Variants in MROH2A observed in about 807,000 individuals in gnomAD.
The protein encoded by MROH2A is maestro heat-like repeat-containing protein family member 2A.
MROH2A carries 174 observed loss-of-function variants against 200.4 expected under a neutral mutation model. The observed-to-expected ratio is 0.87, with a 90% CI of 0.77 to 0.98. The LOEUF is 0.98. Ranked by LOEUF, MROH2A falls within the 50% of genes least tolerant of loss-of-function variation. MROH2A has a pLI of 0.00. For missense variants in MROH2A, 2,045 were observed against 2,139.6 expected, an observed-to-expected ratio of 0.96 and a Z score of 0.87; for synonymous variants, 829 against 840.4, an observed-to-expected ratio of 0.99 and a Z score of 0.23.
rs1186528161 is a variant in MROH2A, at chr2:233,822,508, G to A, written c.3818G>A (p.Trp1273Ter). The A allele has an allele frequency of 6.4e-7, 1 of 1,550,618 alleles. No homozygotes were observed. The change falls in exon 33 of 42, where the codon TGG (tryptophan) becomes TAG (stop). Residue 1273 changes from tryptophan (W) to a stop codon, truncating the protein, a stop_gained. Coordinates refer to ENST00000389758, the MANE Select transcript of MROH2A (RefSeq NM_001394639.1). LOFTEE classifies it high-confidence loss of function. ...PEAAPPVLKMWKLVHTTPLPE... is the reference protein window; with the variant it reads ...PEAAPPVLKM ...GCCGCCCCGCCGGTCTTGAAGATGT[G>A]GAAGCTGGTCCACACCACTCCTCTG...
chr2:233,811,280 T>TA (rs1157656420), intron 23 of MROH2A, among the ~76,000 whole-genome samples: 3 of 152,160 alleles, frequency 2.0e-5, no homozygotes, highest in African/African-American at 7.2e-5. Flanking sequence ...AAGCAGGACT[T>TA]AGAGTGAAGC....
At chr2:233,788,178 A>G (rs978542094) in intron 3 of MROH2A, among the ~76,000 whole-genome samples, 1 of 121,644 alleles carries the variant, frequency 8.2e-6, no homozygotes, top group Non-Finnish European at 1.6e-5. Flanking sequence ...TACATATATT[A>G]TATATATACA....
chr2:233,794,622 C>G (rs964663622), intron 8 of MROH2A, 116 bp downstream of exon 8: 3 of 633,600 alleles, frequency 4.7e-6, no homozygotes, highest in Non-Finnish European at 8.3e-6. Flanking sequence ...GACACTGTGT[C>G]AGGAACCCGA....
At chr2:233,794,265 C>T in intron 7 of MROH2A, 98 bp from the exon 8 acceptor site, 1 of 928,046 alleles carries the variant, frequency 1.1e-6, no homozygotes, top group East Asian at 2.6e-5. Flanking sequence ...GAGGCGCCTT[C>T]TGTCCTGTGT....
In MROH2A at chr2:233,816,851, T is replaced by A; in HGVS notation, c.2927T>A (p.Leu976His). The A allele has an allele frequency of 6.5e-7, 1 of 1,550,012 alleles. No homozygotes were observed. Among genetic ancestry groups the A allele is most frequent in the Non-Finnish European group, 8.7e-7 (1 of 1,146,528 alleles). Reference sequence around the variant, plus strand: ...AAGGCCGTGAGCCTCCATCTCTATCTCATGTGGATTTATGTCCACAGCACT... The same window carrying A: ...AAGGCCGTGAGCCTCCATCTCTATCACATGTGGATTTATGTCCACAGCACT... ...REKAVSLHLY[L>H]MWIYVHSTAV... is the part of the protein sequence containing the mutation. The change falls in exon 27 of 42, where the codon CTC becomes CAC. Residue 976 changes from leucine (L) to histidine (H), a missense_variant. This residue lies in a region of MROH2A where 1,201 missense variants were observed against 1,311.3 expected (regional missense o/e 0.92). Transcript: ENST00000389758.
rs1701983068 is a variant in MROH2A at position 233,794,531 on chromosome 2, C to G, written c.966+25C>G. ...GGCGAGTGGCCAGGCAGCCACGGCT[C>G]TGGGCAGGAGGCTTAGGGAATTGGG... On this transcript the variant is annotated intron_variant, in intron 8 of 41. Transcript: ENST00000389758. 3 of 1,318,638 alleles carry G rather than the reference C, an allele frequency of 2.3e-6. No individual in the cohort carries two copies. The South Asian group carries it at 3.8e-5, about 17-fold the overall frequency. The allele number at this position is 1,318,638 out of a possible 1,614,324, so 81.7% of individuals were successfully genotyped here.
chr2:233,824,614 C>A (rs981629730), intron 35 of MROH2A, among the ~76,000 whole-genome samples: 21 of 152,246 alleles, frequency 1.4e-4, no homozygotes, highest in Non-Finnish European at 4.4e-5. Flanking sequence ...CGCTCAGTTG[C>A]TGATTGGCTG....
chr2:233,798,392 G>A (rs1299139578), intron 11 of MROH2A, among the ~76,000 whole-genome samples: 2 of 152,192 alleles, frequency 1.3e-5, no homozygotes, highest in African/African-American at 4.8e-5. Context: ...TGAACCCAGG[G>A]AAGGCCTGGT....
intron 35 of MROH2A, among the ~76,000 whole-genome samples, chr2:233,825,160 C>T (rs1420564000): frequency 1.3e-5 from 2 of 152,152 alleles, no homozygotes; most frequent in Non-Finnish European, 2.9e-5. Flanking sequence ...GTGACTTCTG[C>T]AGATTGATTT....
intron 7 of MROH2A, among the ~76,000 whole-genome samples, chr2:233,794,147 G>A (rs963375407): frequency 1.3e-5 from 2 of 152,144 alleles, no homozygotes; most frequent in Non-Finnish European, 2.9e-5. Context: ...TGACAAATGA[G>A]GAAACTCAGG....
At chr2:233,785,471 A>AG (rs1201242139) in intron 3 of MROH2A, among the ~76,000 whole-genome samples, 1 of 151,228 alleles carries the variant, frequency 6.6e-6, no homozygotes, top group East Asian at 1.9e-4. Context: ...TTGTCTCAAA[A>AG]AAAAAAAAAA....
At chr2:233,798,636 C>T (rs1161395886) in intron 11 of MROH2A, 138 bp from the exon 12 acceptor site, 12 of 658,944 alleles carry the variant, frequency 1.8e-5, no homozygotes, top group Non-Finnish European at 2.8e-5. Context: ...GAGAGCATGG[C>T]CAGGGAGGCT....
rs907028359 is a variant in MROH2A at position 233,795,579 on chromosome 2, T to C, written c.967-74T>C. On this transcript the variant is annotated intron_variant, in intron 8 of 41. Coordinates refer to ENST00000389758, the MANE Select transcript of MROH2A (RefSeq NM_001394639.1). ...GGTGCTCAGTGGGTCAGTGGGCCCC[T>C]GAGTAGCGAGGGTCTAGAGTTTGAC... 15 of 1,548,770 alleles carry C rather than the reference T, an allele frequency of 9.7e-6. No individual in the cohort carries two copies. The African/African-American group carries it at 1.5e-4, about 16-fold the overall frequency.
At chr2:233,798,327 G>T (rs560291635) in intron 11 of MROH2A, among the ~76,000 whole-genome samples, 4 of 152,220 alleles carry the variant, frequency 2.6e-5, no homozygotes, top group African/African-American at 9.7e-5. Context: ...GAGGCGCAGA[G>T]GGGCTACGTA....
intron 35 of MROH2A, among the ~76,000 whole-genome samples, chr2:233,825,049 T>C (rs184515051): frequency 6.6e-6 from 1 of 152,324 alleles, no homozygotes; most frequent in Non-Finnish European, 1.5e-5. Context: ...ACTTCCCTTG[T>C]TAACTATATT....
In MROH2A at chr2:233,795,749, A is replaced by G. The variant is rs1232323158; in HGVS notation, c.1059+4A>G. ...TTTCACAGAACTGCACGTCCAGGTG[A>G]GGCCAGCAAGCTCAGCTGGACAAGG... is the stretch of plus-strand genomic sequence containing the variant. On this transcript the variant is annotated splice_donor_region_variant and intron_variant, in intron 9 of 41. Coordinates refer to ENST00000389758, the MANE Select transcript of MROH2A (RefSeq NM_001394639.1). 2.6e-6 allele frequency: 4 copies of G among 1,551,036 alleles called. No homozygotes were observed. In the East Asian group the frequency reaches 7.3e-5, roughly 28 times the overall value.
In MROH2A at chr2:233,823,549, T is replaced by A. The variant is rs1465906536; in HGVS notation, c.4005-7T>A. On this transcript the variant is annotated splice_polypyrimidine_tract_variant and splice_region_variant and intron_variant, in intron 34 of 41. Transcript: ENST00000389758. The stretch of plus-strand genomic sequence containing the variant: ...CTCCACGACCTGGCACTGTCTCTCC[T>A]CTGCAGGCTGTGCATGCAGCACGTG... The A allele has an allele frequency of 1.3e-6, 2 of 1,549,372 alleles. No individual in the cohort carries two copies. The highest frequency in any genetic ancestry group is 2.7e-5 in the African/African-American group (2 of 73,022).
chr2:233,818,145 G>C lies in MROH2A; in HGVS notation c.3085+20G>C. 6.5e-7 allele frequency: 1 copy of C among 1,549,438 alleles called. No individual in the cohort carries two copies. The highest frequency in any genetic ancestry group is 8.7e-7 in the Non-Finnish European group (1 of 1,146,904). ...TTCACGGTATGAGAGGGCAGGACAT[G>C]AGGACCAGCTCCTCTGGGAGGGAGA... On this transcript the variant is annotated intron_variant, in intron 28 of 41. Coordinates refer to ENST00000389758, the MANE Select transcript of MROH2A (RefSeq NM_001394639.1).
At chr2:233,815,994 G>T (rs1242461728) in intron 26 of MROH2A, among the ~76,000 whole-genome samples, 1 of 152,048 alleles carries the variant, frequency 6.6e-6, no homozygotes, top group Admixed American at 6.6e-5. Flanking sequence ...GGGAGTTTCC[G>T]AGAATCTTTC....
Sources: gnomAD v4.1 joint callset for allele counts (sites outside exome capture counted in the v4.1 genomes callset) on GRCh38, gnomAD v4.1.1 for gene constraint, gnomAD v4.1.1 regional missense constraint, MANE v1.5 for transcripts, NCBI Gene and HGNC (gene_info 2026-07-23, HGNC 2026-07-21) for gene names.